USP47: variants seen among roughly 807,000 people sequenced by gnomAD.
USP47 encodes the protein ubiquitin specific peptidase 47, also known as ubiquitin carboxyl-terminal hydrolase 47.
In USP47, 35 loss-of-function variants were observed where a neutral mutation model predicts 165.1. That is an observed-to-expected ratio of 0.21 (90% CI 0.16 to 0.28). The LOEUF (loss-of-function observed/expected upper bound fraction) is 0.28. USP47 is among the 10% of genes least tolerant of loss of function. USP47 has a pLI of 1.00. For missense variants in USP47, 1,277 were observed against 1,607.4 expected (o/e 0.79, Z 3.52); for synonymous variants, 531 against 544.5 (o/e 0.98, Z 0.35).
chr11:11,920,050 T>C, intron 8 of USP47, 106 bp from the exon 9 acceptor site: 2 of 793,208 alleles, frequency 2.5e-6, no homozygotes, highest in Non-Finnish European at 3.6e-6. Context: ...CCTAAATTTC[T>C]AACCATTCTA....
At chr11:11,868,854 A>C (rs1849849699) in intron 1 of USP47, among the ~76,000 whole-genome samples, 1 of 151,772 alleles carries the variant, frequency 6.6e-6, no homozygotes, top group African/African-American at 2.4e-5. Flanking sequence ...TTTTGGTATT[A>C]ATTTGCATTT....
rs1851028074 is a variant in USP47 at position 11,884,483 on chromosome 11, C to T, written c.260C>T (p.Thr87Ile). ...NTADMAPLDH[T>I]SDKSLLDANF... ...TGTCCATAGGCACCACTGGATCATA[C>T]CAGTGACAAGTCACTTCTCGACGCT... Residue 87 changes from threonine to isoleucine, a missense_variant, in exon 3 of 28, where the codon ACC becomes ATC. By Grantham distance (89) the Thr-to-Ile change is moderately conservative. Around this residue, in one of 4 missense-constraint regions of USP47, gnomAD observed 181 missense variants for 194.7 expected, o/e 0.93. Transcript: ENST00000527733. 1.7e-5 allele frequency: 27 copies of T among 1,606,816 alleles called. No individual in the cohort carries two copies. The highest frequency in any genetic ancestry group is 2.1e-5 in the Non-Finnish European group (25 of 1,177,688).
At chr11:11,891,271 T>C (rs1851495352) in intron 3 of USP47, among the ~76,000 whole-genome samples, 1 of 152,232 alleles carries the variant, frequency 6.6e-6, no homozygotes, top group Admixed American at 6.5e-5. Flanking sequence ...TAATGACGCT[T>C]TGCTCAGGAA....
chr11:11,903,646 AT>A (rs1189250717), intron 7 of USP47, among the ~76,000 whole-genome samples: 2 of 152,154 alleles, frequency 1.3e-5, no homozygotes, highest in African/African-American at 4.8e-5. Flanking sequence ...TTTGGGGATG[AT>A]TTTTGAACAG....
At chr11:11,900,986 A>C (rs539123604) in intron 5 of USP47, among the ~76,000 whole-genome samples, 2 of 152,316 alleles carry the variant, frequency 1.3e-5, no homozygotes, top group East Asian at 3.9e-4. Flanking sequence ...AGTACCCGCT[A>C]TTGAAGATAA....
intron 2 of USP47, 71 bp downstream of exon 2, chr11:11,880,451 T>C: frequency 8.6e-7 from 1 of 1,159,188 alleles, no homozygotes. Context: ...GATGATAATG[T>C]TAAATCCTGG....
At chr11:11,884,620 C>A in intron 3 of USP47, 40 bp downstream of exon 3, 4 of 1,408,654 alleles carry the variant, frequency 2.8e-6, no homozygotes, top group South Asian at 1.3e-5. Flanking sequence ...AATTTTTGTG[C>A]ACTGTCACCT....
chr11:11,881,991 G>T (rs987122241), intron 2 of USP47, among the ~76,000 whole-genome samples: 1 of 152,086 alleles, frequency 6.6e-6, no homozygotes, highest in African/African-American at 2.4e-5. Context: ...CATTGAGTTG[G>T]ATCTCATCTG....
intron 20 of USP47, among the ~76,000 whole-genome samples, chr11:11,944,297 A>G (rs1361898029): frequency 6.6e-6 from 1 of 151,748 alleles, no homozygotes; most frequent in Non-Finnish European, 1.5e-5. Flanking sequence ...TGATGCTTGT[A>G]GTCTCAAAAT....
intron 25 of USP47, among the ~76,000 whole-genome samples, chr11:11,954,523 A>T (rs1283132523): frequency 5.9e-5 from 9 of 152,120 alleles, no homozygotes; most frequent in African/African-American, 1.7e-4. Context: ...ACTTGGAAAA[A>T]CTGAAAACAG....
chr11:11,863,824 T>C (rs1431079433), intron 1 of USP47, among the ~76,000 whole-genome samples: 1 of 152,192 alleles, frequency 6.6e-6, no homozygotes, highest in Non-Finnish European at 1.5e-5. Context: ...TGACTTTATA[T>C]GTCCTCTTAA....
At chr11:11,902,934 A>G (rs1852320013) in intron 6 of USP47, 74 bp downstream of exon 6, 2 of 1,383,638 alleles carry the variant, frequency 1.4e-6, no homozygotes, top group Admixed American at 5.1e-5. Flanking sequence ...TTACAAACAC[A>G]TTACACATAA....
chr11:11,900,407 G>A (rs190912307), intron 5 of USP47, among the ~76,000 whole-genome samples: 16 of 152,086 alleles, frequency 1.1e-4, no homozygotes, highest in East Asian at 3.9e-4. Context: ...TGATCCGCCC[G>A]CCTTGGCCTC....
chr11:11,884,985 G>A (rs1851060830), intron 3 of USP47, among the ~76,000 whole-genome samples: 1 of 152,150 alleles, frequency 6.6e-6, no homozygotes. Context: ...CTGCAAGAAG[G>A]TCATTTCCGT....
chr11:11,903,641 G>C (rs1852365136), intron 7 of USP47, among the ~76,000 whole-genome samples: 1 of 152,004 alleles, frequency 6.6e-6, no homozygotes, highest in Admixed American at 6.6e-5. Context: ...TGTGTTTTGG[G>C]GATGATTTTT....
intron 1 of USP47, among the ~76,000 whole-genome samples, chr11:11,861,195 A>C (rs1344224630): frequency 2.6e-5 from 4 of 152,128 alleles, no homozygotes; most frequent in African/African-American, 9.7e-5. Flanking sequence ...CCCAGATTCA[A>C]GCGATTCTCC....
At chr11:11,935,805 G>A (rs1460030396) in intron 16 of USP47, among the ~76,000 whole-genome samples, 1 of 151,866 alleles carries the variant, frequency 6.6e-6, no homozygotes, top group Non-Finnish European at 1.5e-5. Context: ...TATTGAAAGG[G>A]GATATCGTAG....
chr11:11,960,522 G>C lies in USP47; in HGVS notation c.*4347G>C, dbSNP rs1022168244. Among the ~76,000 whole-genome samples, 1 of 152,134 alleles carries C rather than the reference G, an allele frequency of 6.6e-6. No individual in the cohort carries two copies. The highest frequency in any genetic ancestry group is 2.4e-5 in the African/African-American group (1 of 41,420). ...CTACCAAGTCTTCAACCCTCAATTT[G>C]ATCTTCCATGAGTGTCTCAAAAAGT... On this transcript the variant is annotated 3_prime_UTR_variant, in exon 28 of 28. Coordinates refer to ENST00000527733, the MANE Select transcript of USP47 (RefSeq NM_001282659.2).
At chr11:11,907,537 A>T (rs1210221531) in intron 8 of USP47, among the ~76,000 whole-genome samples, 1 of 152,200 alleles carries the variant, frequency 6.6e-6, no homozygotes, top group Non-Finnish European at 1.5e-5. Context: ...TTCTTAGTCC[A>T]CAAATATCAT....
Sources: gnomAD v4.1 joint callset for allele counts (sites outside exome capture counted in the v4.1 genomes callset) on GRCh38, gnomAD v4.1.1 for gene constraint, gnomAD v4.1.1 regional missense constraint, MANE v1.5 for transcripts, NCBI Gene and HGNC (gene_info 2026-07-23, HGNC 2026-07-21) for gene names.